The following KIF26B variants were observed in gnomAD, a reference collection of about 807,000 sequenced individuals.
KIF26B encodes the protein kinesin-like protein KIF26B.
In KIF26B, 63 loss-of-function variants were observed where a neutral mutation model predicts 151.2. The ratio of observed to expected loss-of-function variants is 0.42; its 90% CI spans 0.34 to 0.51. KIF26B has a LOEUF of 0.51. KIF26B is among the 20% of genes least tolerant of loss of function. The pLI, the probability that KIF26B is intolerant of heterozygous loss-of-function variation, is 0.07. For synonymous variants in KIF26B, 1,357 were observed against 1,262.1 expected (o/e 1.08, Z -1.59); for missense variants, 2,813 against 2,913.6 (o/e 0.97, Z 0.79).
chr1:245,652,409 C>A (rs1442520977), intron 10 of KIF26B, among the ~76,000 whole-genome samples: 1 of 152,144 alleles, frequency 6.6e-6, no homozygotes, highest in Non-Finnish European at 1.5e-5. Context: ...AATGTGAGTT[C>A]AGAATGTCGC....
At chr1:245,478,429 C>CTTT (rs1660088146) in intron 4 of KIF26B, among the ~76,000 whole-genome samples, 6 of 25,366 alleles carry the variant, frequency 2.4e-4, no homozygotes, top group Middle Eastern at 0.019. Flanking sequence ...ATCTGACTCG[C>CTTT]ATTTTTTTTT....
chr1:245,592,269 G>C (rs953938778), intron 5 of KIF26B, among the ~76,000 whole-genome samples: 4 of 152,170 alleles, frequency 2.6e-5, no homozygotes, highest in Non-Finnish European at 5.9e-5. Flanking sequence ...GCCGCCCAGG[G>C]TGCAGGCGCA....
At chr1:245,664,224 C>T (rs10802242) in intron 10 of KIF26B, among the ~76,000 whole-genome samples, 13,187 of 151,874 alleles carry the variant, frequency 0.087, 1,011 homozygotes, top group East Asian at 0.39. Flanking sequence ...CAACATTAGC[C>T]GGGCATGGTG....
rs2043936233 is a variant in KIF26B at position 245,645,393 on chromosome 1, G to A, written c.2099-728G>A. Reference sequence around the variant, plus strand: ...AATCTCTAGAGCTCTCTCCTCTGCAGTACTCTGTCTTGTAAATTGTTGCCA... The same window carrying A: ...AATCTCTAGAGCTCTCTCCTCTGCAATACTCTGTCTTGTAAATTGTTGCCA... On this transcript the variant is annotated intron_variant, in intron 9 of 14. Coordinates refer to ENST00000407071, the MANE Select transcript of KIF26B (RefSeq NM_018012.4). Among the ~76,000 whole-genome samples, 4 of 152,222 alleles carry A rather than the reference G, an allele frequency of 2.6e-5. No homozygotes were observed. The South Asian group carries it at 8.3e-4, about 32-fold the overall frequency.
chr1:245,490,713 AAGC>A (rs1660391836), intron 4 of KIF26B, among the ~76,000 whole-genome samples: 1 of 152,170 alleles, frequency 6.6e-6, no homozygotes, highest in Non-Finnish European at 1.5e-5. Context: ...GTCTCATTGA[AAGC>A]AGTGCCTGTT....
chr1:245,674,421 G>A (rs764592370), intron 10 of KIF26B, among the ~76,000 whole-genome samples: 10 of 152,094 alleles, frequency 6.6e-5, no homozygotes, highest in African/African-American at 1.7e-4. Context: ...GATCAAATAC[G>A]CACACATCTA....
intron 5 of KIF26B, among the ~76,000 whole-genome samples, chr1:245,575,203 G>C (rs557446372): frequency 6.6e-6 from 1 of 151,606 alleles, no homozygotes; most frequent in Admixed American, 6.5e-5. Context: ...GGCTGGGGGC[G>C]GTGGCTCACG....
At chr1:245,264,329 A>G (rs1190075477) in intron 2 of KIF26B, among the ~76,000 whole-genome samples, 2 of 152,228 alleles carry the variant, frequency 1.3e-5, no homozygotes, top group Non-Finnish European at 2.9e-5. Context: ...TACGTAAAAC[A>G]CTACTGCATA....
intron 9 of KIF26B, among the ~76,000 whole-genome samples, chr1:245,631,102 T>G (rs936241726): frequency 2.6e-5 from 4 of 152,244 alleles, no homozygotes; most frequent in African/African-American, 9.6e-5. Context: ...TTTTCCAGTT[T>G]GGATGCCTTT....
chr1:245,502,548 A>AAAG (rs1558190657), intron 4 of KIF26B, among the ~76,000 whole-genome samples: 9 of 149,654 alleles, frequency 6.0e-5, no homozygotes, highest in Non-Finnish European at 8.9e-5. Context: ...AAAAAAAAAA[A>AAAG]AAGAAGAAGA....
intron 2 of KIF26B, among the ~76,000 whole-genome samples, chr1:245,248,573 A>G (rs542536871): frequency 6.6e-6 from 1 of 152,344 alleles, no homozygotes; most frequent in Non-Finnish European, 1.5e-5. Context: ...GCTGTGATGA[A>G]GATTGTTGAC....
chr1:245,641,587 T>G (rs1365799172), intron 9 of KIF26B, among the ~76,000 whole-genome samples: 1 of 152,196 alleles, frequency 6.6e-6, no homozygotes, highest in African/African-American at 2.4e-5. Context: ...TCACTGATCC[T>G]TTCTTCTTTT....
chr1:245,204,863 G>A (rs555046220), intron 2 of KIF26B, among the ~76,000 whole-genome samples: 3 of 152,032 alleles, frequency 2.0e-5, no homozygotes, highest in Admixed American at 6.5e-5. Context: ...TCACTGCAGC[G>A]TCGAACTCCT....
chr1:245,526,868 C>T (rs1474864082), intron 4 of KIF26B, among the ~76,000 whole-genome samples: 1 of 152,210 alleles, frequency 6.6e-6, no homozygotes, highest in Non-Finnish European at 1.5e-5. Context: ...AAATAAAGCT[C>T]TACTTCTTTT....
At chr1:245,292,870 C>G (rs747400312) in intron 2 of KIF26B, among the ~76,000 whole-genome samples, 1 of 152,188 alleles carries the variant, frequency 6.6e-6, no homozygotes, top group Non-Finnish European at 1.5e-5. Flanking sequence ...ACATCTGCAG[C>G]CACCCTCTGG....
chr1:245,417,068 G>A (rs1674437006), intron 3 of KIF26B, among the ~76,000 whole-genome samples: 2 of 151,762 alleles, frequency 1.3e-5, no homozygotes, highest in Non-Finnish European at 2.9e-5. Context: ...TAAGGACATG[G>A]ACCTGCCCCC....
At chr1:245,180,937 A>G (rs1404254954) in intron 2 of KIF26B, among the ~76,000 whole-genome samples, 2 of 152,016 alleles carry the variant, frequency 1.3e-5, no homozygotes, top group Non-Finnish European at 2.9e-5. Context: ...CAACTGCAGG[A>G]TTCCTATTCT....
intron 4 of KIF26B, among the ~76,000 whole-genome samples, chr1:245,471,330 C>T (rs1008299219): frequency 6.6e-6 from 1 of 152,036 alleles, no homozygotes; most frequent in African/African-American, 2.4e-5. Context: ...GACGGGGTTT[C>T]ATCATGTCGG....
intron 2 of KIF26B, among the ~76,000 whole-genome samples, chr1:245,175,755 T>C (rs923482959): frequency 7.2e-5 from 11 of 152,066 alleles, no homozygotes; most frequent in African/African-American, 2.2e-4. Flanking sequence ...CAAAAGCCTC[T>C]TCGTTTGTTC....
Sources: gnomAD v4.1 joint callset for allele counts (sites outside exome capture counted in the v4.1 genomes callset) on GRCh38, gnomAD v4.1.1 for gene constraint, MANE v1.5 for transcripts, NCBI Gene and HGNC (gene_info 2026-07-23, HGNC 2026-07-21) for gene names.